NGF: variants seen among roughly 807,000 people sequenced by gnomAD.
NGF encodes the protein nerve growth factor.
In NGF, 4 loss-of-function variants were observed where a neutral mutation model predicts 12.8. The ratio of observed to expected loss-of-function variants is 0.31; its 90% CI spans 0.15 to 0.72. NGF has a LOEUF of 0.72. NGF is among the 30% of genes least tolerant of loss of function. The pLI is 0.69. For missense variants in NGF, 283 were observed against 330.8 expected (o/e 0.86, Z 1.12); for synonymous variants, 140 against 130.0 (o/e 1.08, Z -0.52).
At chr1:115,298,759 T>G (rs1416792295) in intron 1 of NGF, among the ~76,000 whole-genome samples, 1 of 151,624 alleles carries the variant, frequency 6.6e-6, no homozygotes, top group African/African-American at 2.4e-5. Flanking sequence ...CACTATTTGG[T>G]AATAGCCAAA....
chr1:115,322,267 CA>C (rs1486882995), intron 1 of NGF, among the ~76,000 whole-genome samples: 2 of 152,156 alleles, frequency 1.3e-5, no homozygotes, highest in Non-Finnish European at 2.9e-5. Context: ...AAATTCCTTT[CA>C]GGGGGTACAA....
chr1:115,293,956 C>G (rs530247007), intron 1 of NGF, among the ~76,000 whole-genome samples: 1 of 152,238 alleles, frequency 6.6e-6, no homozygotes, highest in East Asian at 1.9e-4. Flanking sequence ...GCACCTGCCT[C>G]TCACTCTTGC....
chr1:115,330,050 G>A (rs1654876484), intron 1 of NGF, among the ~76,000 whole-genome samples: 1 of 151,922 alleles, frequency 6.6e-6, no homozygotes, highest in Admixed American at 6.6e-5. Flanking sequence ...CCACACACCC[G>A]GCCTTCAACT....
intron 1 of NGF, among the ~76,000 whole-genome samples, chr1:115,337,267 GTTTTTTTTTTTTTTTTTT>G (rs67307707): frequency 1.1e-4 from 9 of 81,028 alleles, no homozygotes; most frequent in Non-Finnish European, 1.6e-4. Context: ...TTTTGTTTTT[GTTTTTTTTTTTTTTTTTT>G]TTTTTTTTTT....
At chr1:115,309,540 A>G (rs984914747) in intron 1 of NGF, among the ~76,000 whole-genome samples, 1 of 152,186 alleles carries the variant, frequency 6.6e-6, no homozygotes, top group Non-Finnish European at 1.5e-5. Flanking sequence ...CCTGTCACCT[A>G]CATTAGGTAT....
chr1:115,289,195 C>T (rs1306708827), intron 2 of NGF, among the ~76,000 whole-genome samples: 2 of 152,052 alleles, frequency 1.3e-5, no homozygotes, highest in South Asian at 4.2e-4. Flanking sequence ...CAAATCTAAA[C>T]CTTTTACTTT....
chr1:115,291,877 G>T (rs1384034874), intron 2 of NGF, among the ~76,000 whole-genome samples: 1 of 152,196 alleles, frequency 6.6e-6, no homozygotes, highest in African/African-American at 2.4e-5. Context: ...GTAGAAGGGA[G>T]TGAGAGAATT....
At chr1:115,301,053 C>T (rs1032577825) in intron 1 of NGF, among the ~76,000 whole-genome samples, 1 of 152,202 alleles carries the variant, frequency 6.6e-6, no homozygotes, top group Non-Finnish European at 1.5e-5. Context: ...TCTAAAGTCA[C>T]TTGGTTCTCA....
chr1:115,329,581 A>G (rs1654859725), intron 1 of NGF, among the ~76,000 whole-genome samples: 1 of 152,190 alleles, frequency 6.6e-6, no homozygotes, highest in Non-Finnish European at 1.5e-5. Context: ...ACATACATAC[A>G]GTACAACTAA....
chr1:115,337,370 C>T (rs1231737029), intron 1 of NGF, among the ~76,000 whole-genome samples: 1 of 144,676 alleles, frequency 6.9e-6, no homozygotes, highest in East Asian at 2.1e-4. Context: ...GTTGCAGCTC[C>T]CTGACCCCTG....
intron 1 of NGF, among the ~76,000 whole-genome samples, chr1:115,320,297 T>A (rs10442681): frequency 0.64 from 97,616 of 152,052 alleles, 32,101 homozygotes; most frequent in Non-Finnish European, 0.72. Context: ...TAACCTATGA[T>A]AAAATTTAAT....
intron 2 of NGF, among the ~76,000 whole-genome samples, chr1:115,290,711 C>T (rs533951446): frequency 1.6e-4 from 25 of 152,242 alleles, no homozygotes; most frequent in African/African-American, 6.0e-4. Flanking sequence ...TCTCTTAAAG[C>T]CTTCCCTTTA....
intron 1 of NGF, among the ~76,000 whole-genome samples, chr1:115,320,034 G>A (rs1654575779): frequency 6.6e-6 from 1 of 152,136 alleles, no homozygotes; most frequent in African/African-American, 2.4e-5. Flanking sequence ...GATGGCCCAG[G>A]GTCTGAAATA....
At position 115,330,847 on chromosome 1, in the gene NGF, G is replaced by A. The variant is rs79811171; in HGVS notation, c.-137+7357C>T. 4.3e-4 allele frequency among the ~76,000 whole-genome samples: 65 copies of A among 152,176 alleles called. 1 individual carries two copies. In the East Asian group the frequency reaches 6.6e-3, roughly 15 times the overall value. ...AGAATTCCTTAAATATTTGCCGTGCGTGTCTATACAGCCTCCTGGAGTACT... is the reference window on the plus strand; with the variant it reads ...AGAATTCCTTAAATATTTGCCGTGCATGTCTATACAGCCTCCTGGAGTACT... On this transcript the variant is annotated intron_variant, in intron 1 of 2. Coordinates refer to ENST00000369512, the MANE Select transcript of NGF (RefSeq NM_002506.3).
At chr1:115,306,110 T>C (rs1301434133) in intron 1 of NGF, among the ~76,000 whole-genome samples, 5 of 152,212 alleles carry the variant, frequency 3.3e-5, no homozygotes, top group Non-Finnish European at 5.9e-5. Context: ...AAACTTACCC[T>C]AATGATTTCA....
intron 1 of NGF, among the ~76,000 whole-genome samples, chr1:115,317,248 T>C (rs566941342): frequency 6.6e-6 from 1 of 152,234 alleles, no homozygotes; most frequent in Non-Finnish European, 1.5e-5. Context: ...CTGATTTCAA[T>C]AAGCTGGGCA....
At chr1:115,293,377 G>C (rs1375188252) in intron 2 of NGF, among the ~76,000 whole-genome samples, 2 of 152,200 alleles carry the variant, frequency 1.3e-5, no homozygotes, top group Non-Finnish European at 2.9e-5. Flanking sequence ...GGCAACTTTA[G>C]ACCCTTGATG....
At chr1:115,325,381 G>T (rs1392826203) in intron 1 of NGF, among the ~76,000 whole-genome samples, 1 of 152,070 alleles carries the variant, frequency 6.6e-6, no homozygotes, top group Non-Finnish European at 1.5e-5. Flanking sequence ...GCAGGTGCTT[G>T]TCCTGTGCAT....
intron 1 of NGF, among the ~76,000 whole-genome samples, chr1:115,328,835 G>A (rs904199398): frequency 8.5e-5 from 13 of 152,074 alleles, no homozygotes; most frequent in African/African-American, 2.7e-4. Context: ...TTACTGTTAT[G>A]GTCATGCTTG....
Sources: allele counts gnomAD v4.1 joint callset (sites outside exome capture counted in the v4.1 genomes callset), GRCh38; gene constraint gnomAD v4.1.1; transcripts MANE v1.5; gene names NCBI Gene and HGNC (gene_info 2026-07-23, HGNC 2026-07-21).